The following DIP2C variants were observed in gnomAD, a reference collection of about 807,000 sequenced individuals.
DIP2C encodes the protein disco-interacting protein 2 homolog C.
In DIP2C, 33 loss-of-function variants were observed where a neutral mutation model predicts 192.4. The ratio of observed to expected loss-of-function variants is 0.17; its 90% CI spans 0.13 to 0.23. DIP2C has a LOEUF of 0.23. DIP2C is among the 10% of genes least tolerant of loss of function. The pLI is 1.00. For missense variants in DIP2C, 1,537 were observed against 2,110.1 expected (o/e 0.73, Z 5.32); for synonymous variants, 979 against 864.1 (o/e 1.13, Z -2.33).
chr10:671,563 C>A (rs1830643424), intron 1 of DIP2C, among the ~76,000 whole-genome samples: 2 of 89,520 alleles, frequency 2.2e-5, no homozygotes, highest in Non-Finnish European at 4.3e-5. Context: ...ACGGAGGAAA[C>A]GTCACAGACG....
intron 31 of DIP2C, 34 bp from the exon 32 acceptor site, chr10:310,126 T>C: frequency 8.2e-6 from 13 of 1,593,280 alleles, no homozygotes; most frequent in Non-Finnish European, 1.1e-5. Flanking sequence ...AACTCAAGTT[T>C]ACATGGAGGG....
At chr10:343,260 G>C (rs1958249683) in intron 28 of DIP2C, among the ~76,000 whole-genome samples, 1 of 152,226 alleles carries the variant, frequency 6.6e-6, no homozygotes, top group African/African-American at 2.4e-5. Context: ...CTGCACTCCA[G>C]CCTGGGCAAC....
chr10:442,494 C>G (rs1967825383), intron 3 of DIP2C, among the ~76,000 whole-genome samples: 1 of 152,200 alleles, frequency 6.6e-6, no homozygotes, highest in South Asian at 2.1e-4. Flanking sequence ...AGTCCACTCA[C>G]TTCCCACAAA....
chr10:532,803 G>C (rs1294537257), intron 1 of DIP2C, among the ~76,000 whole-genome samples: 1 of 150,594 alleles, frequency 6.6e-6, no homozygotes, highest in East Asian at 2.0e-4. Flanking sequence ...GTGGTGGCGG[G>C]GGTCCTTGTT....
chr10:490,341 A>G (rs1564781975), intron 1 of DIP2C, among the ~76,000 whole-genome samples: 2 of 152,248 alleles, frequency 1.3e-5, no homozygotes, highest in Non-Finnish European at 2.9e-5. Flanking sequence ...AAAGGCGCAA[A>G]TGCTCCGAAA....
chr10:662,897 G>A, intron 1 of DIP2C: 4 of 717,566 alleles, frequency 5.6e-6, no homozygotes, highest in Middle Eastern at 2.3e-4. Context: ...ACGTGGAAGA[G>A]GCGTGAACAC....
chr10:284,128 C>T (rs1954976515), intron 34 of DIP2C, among the ~76,000 whole-genome samples: 1 of 152,180 alleles, frequency 6.6e-6, no homozygotes, highest in Admixed American at 6.5e-5. Flanking sequence ...AGAGGCAGGG[C>T]CTTGTAGACT....
At chr10:601,969 A>G (rs1363408240) in intron 1 of DIP2C, among the ~76,000 whole-genome samples, 1 of 151,596 alleles carries the variant, frequency 6.6e-6, no homozygotes, top group Non-Finnish European at 1.5e-5. Context: ...ATCACTTATG[A>G]GGCAGAGAAT....
At chr10:331,284 G>C (rs1332180759) in intron 29 of DIP2C, among the ~76,000 whole-genome samples, 1 of 152,108 alleles carries the variant, frequency 6.6e-6, no homozygotes, top group Non-Finnish European at 1.5e-5. Flanking sequence ...AGTTAGGTTG[G>C]CTAACAAAAT....
At chr10:570,398 A>AG (rs938235184) in intron 1 of DIP2C, among the ~76,000 whole-genome samples, 4 of 152,154 alleles carry the variant, frequency 2.6e-5, no homozygotes, top group African/African-American at 9.7e-5. Context: ...CACACTCCCT[A>AG]GGTCCTGACG....
chr10:608,126 CCCCAACACACACACAG>C lies in DIP2C; in HGVS notation c.85+81352_85+81367del, dbSNP rs1334594485. Among the ~76,000 whole-genome samples the C allele has an allele frequency of 1.8e-3, 216 of 120,162 alleles. 4 individuals carry two copies. Among genetic ancestry groups the C allele is most frequent in the African/African-American group, 0.01 (197 of 19,458 alleles). The allele number at this position is 120,162 out of a possible 152,430, so 78.8% of individuals were successfully genotyped here. A position where few individuals can be genotyped will look rare whatever the true frequency, so the allele number is the denominator to read the frequency against. On this transcript the variant is annotated intron_variant, in intron 1 of 36. Transcript: ENST00000280886. ...AGGAACACACACACCACACACACAGCCCCAACACACACACAGCCCCCCCACACACACCCCCACAGCC... is the reference window on the plus strand; with the variant it reads ...AGGAACACACACACCACACACACAGCCCCCCCCACACACACCCCCACAGCC...
chr10:661,233 G>A (rs1005590231), intron 1 of DIP2C, among the ~76,000 whole-genome samples: 5 of 152,198 alleles, frequency 3.3e-5, no homozygotes, highest in Non-Finnish European at 7.3e-5. Flanking sequence ...ACCAGTCCCT[G>A]AACAGAGAGA....
chr10:601,049 G>A (rs547296456), intron 1 of DIP2C, among the ~76,000 whole-genome samples: 167 of 151,786 alleles, frequency 1.1e-3, no homozygotes, highest in Non-Finnish European at 2.1e-3. Flanking sequence ...ATCGTTGAGG[G>A]CTCTGGCGTA....
At chr10:485,080 G>T (rs936421970) in intron 2 of DIP2C, 3 of 1,180,054 alleles carry the variant, frequency 2.5e-6, no homozygotes, top group Non-Finnish European at 3.5e-6. Context: ...GGGCACGACC[G>T]CCCTCTGCGC....
chr10:674,826 A>AGATACC (rs1554772171), intron 1 of DIP2C, among the ~76,000 whole-genome samples: 1 of 144,658 alleles, frequency 6.9e-6, no homozygotes, highest in Non-Finnish European at 1.5e-5. Context: ...AGAGAGAGAG[A>AGATACC]GAGACCAACA....
chr10:441,098 A>C (rs1967691969), intron 3 of DIP2C, 102 bp from the exon 4 acceptor site: 2 of 1,354,334 alleles, frequency 1.5e-6, no homozygotes, highest in African/African-American at 2.9e-5. Flanking sequence ...CCACCTTCTG[A>C]AACTCACCAA....
At chr10:323,137 A>C (rs553475936) in intron 31 of DIP2C, among the ~76,000 whole-genome samples, 3 of 22,936 alleles carry the variant, frequency 1.3e-4, no homozygotes, top group African/African-American at 4.5e-4. Context: ...TAGAACAGTC[A>C]GTCGGGGGTG....
chr10:598,984 G>T (rs1851889914), intron 1 of DIP2C, among the ~76,000 whole-genome samples: 1 of 152,256 alleles, frequency 6.6e-6, no homozygotes, highest in Admixed American at 6.5e-5. Flanking sequence ...TGAGGCACAG[G>T]CACGGCCCCC....
chr10:407,383 G>A (rs1276623936), intron 9 of DIP2C, among the ~76,000 whole-genome samples: 1 of 152,156 alleles, frequency 6.6e-6, no homozygotes, highest in Admixed American at 6.5e-5. Flanking sequence ...TGAGTCGGCT[G>A]CTATGAGCCT....
Sources: gnomAD v4.1 joint callset for allele counts (sites outside exome capture counted in the v4.1 genomes callset) on GRCh38, gnomAD v4.1.1 for gene constraint, MANE v1.5 for transcripts, NCBI Gene and HGNC (gene_info 2026-07-23, HGNC 2026-07-21) for gene names.